Variants in TIE1 observed in about 807,000 individuals in gnomAD.
The protein encoded by TIE1 is tyrosine-protein kinase receptor Tie-1.
TIE1 carries 89 observed loss-of-function variants against 130.5 expected under a neutral mutation model. The observed-to-expected ratio is 0.68, with a 90% confidence interval of 0.57 to 0.81. TIE1 has a LOEUF of 0.81. Among genes scored for constraint, TIE1 ranks in the 40% least tolerant of loss-of-function variants. The probability of loss-of-function intolerance (pLI) is 0.00; values close to 1 mark genes in which losing one functional copy is unlikely to be tolerated. For missense variants in TIE1, 1,392 were observed against 1,559.8 expected (o/e 0.89, Z 1.81); for synonymous variants, 568 against 629.4 (o/e 0.90, Z 1.46).
rs780719092 is a variant in TIE1 at position 43,313,264 on chromosome 1, G to T, written c.2057G>T (p.Gly686Val). The T allele has an allele frequency of 1.9e-5, 31 of 1,613,924 alleles. No individual in the cohort carries two copies. The highest frequency in any genetic ancestry group is 2.5e-5 in the Non-Finnish European group (30 of 1,179,948). ...KYVVEVQVAG[G>V]AGDPLWIDVD... is the part of the protein sequence containing the mutation. ...GTTGTGGAGGTGCAGGTGGCTGGGGGTGCAGGAGACCCACTGTGGATAGAC... is the reference window on the plus strand; with the variant it reads ...GTTGTGGAGGTGCAGGTGGCTGGGGTTGCAGGAGACCCACTGTGGATAGAC... Residue 686 changes from glycine to valine, a missense_variant, in exon 13 of 23, where the codon GGT (glycine) becomes GTT (valine). Gly to Val is a moderately radical substitution (Grantham distance 109). Coordinates refer to ENST00000372476, the MANE Select transcript of TIE1 (RefSeq NM_005424.5). The surrounding 1 kb of genome is among the most constrained non-coding windows in gnomAD (Gnocchi z 6.2).
rs771925014 is a variant in TIE1, at chr1:43,318,061, A to T, written c.2911A>T (p.Ser971Cys). The T allele has an allele frequency of 1.9e-6, 3 of 1,554,704 alleles. No individual in the cohort carries two copies. The highest frequency in any genetic ancestry group is 2.6e-6 in the Non-Finnish European group (3 of 1,149,080). ...TGCGGCCAATGGCATGCAGTACCTG[A>T]GTGAGAAGCAGGTGTGTGTGAGTGG... ...SDAANGMQYL[S>C]EKQFIHRDLA... Residue 971 changes from serine to cysteine, a missense_variant, in exon 17 of 23, where the codon AGT (serine) becomes TGT (cysteine). By Grantham distance (112) the Ser-to-Cys change is moderately radical. Transcript: ENST00000372476. The surrounding 1 kb of genome is among the most constrained non-coding windows in gnomAD (Gnocchi z 4.4).
At position 43,311,716 on chromosome 1, in the gene TIE1, G is replaced by T. The variant is rs774935698; in HGVS notation, c.1379G>T (p.Ser460Ile). The T allele has an allele frequency of 5.6e-6, 9 of 1,613,918 alleles. No individual in the cohort carries two copies. The highest frequency in any genetic ancestry group is 7.6e-6 in the Non-Finnish European group (9 of 1,180,016). The change falls in exon 10 of 23, where the codon AGC becomes ATC. Residue 460 changes from serine (S) to isoleucine (I), a missense_variant. Coordinates refer to ENST00000372476, the MANE Select transcript of TIE1 (RefSeq NM_005424.5). ...LAAPRLLTKQ[S>I]RQLVVSPLVS... ...GCACCTCGGCTCCTGACCAAGCAGAGCCGCCAGCTTGTGGTCTCCCCGCTG... is the reference window on the plus strand; with the variant it reads ...GCACCTCGGCTCCTGACCAAGCAGATCCGCCAGCTTGTGGTCTCCCCGCTG...
chr1:43,307,532 C>T lies in TIE1; in HGVS notation c.873C>T (p.Cys291=). The T allele has an allele frequency of 6.2e-7, 1 of 1,614,098 alleles. No individual in the cohort carries two copies. The highest frequency in any genetic ancestry group is 8.5e-7 in the Non-Finnish European group (1 of 1,180,022). ...TCTGCCTCCCAGACCCCTATGGCTG[C>T]TCTTGTGGATCTGGCTGGAGAGGAA... The part of the protein sequence containing the change: ...LTFCLPDPYG[C]SCGSGWRGSQ... Residue 291 remains cysteine (C), a synonymous_variant, in exon 6 of 23, where the codon TGC becomes TGT. Transcript: ENST00000372476. The surrounding 1 kb of genome is among the most constrained non-coding windows in gnomAD (Gnocchi z 5.4).
rs1320054438 is a variant in TIE1 at position 43,313,141 on chromosome 1, C to T, written c.1934C>T (p.Pro645Leu). The change falls in exon 13 of 23, where the codon CCA (proline) becomes CTA (leucine). Residue 645 changes from proline to leucine, a missense_variant. Physicochemically the swap from Pro to Leu is moderately conservative, Grantham distance 98. This residue lies in a region of TIE1 where 551 missense variants were observed against 565.5 expected (regional missense o/e 0.97). Coordinates refer to ENST00000372476, the MANE Select transcript of TIE1 (RefSeq NM_005424.5). The surrounding 1 kb of genome is among the most constrained non-coding windows in gnomAD (Gnocchi z 6.2). ...TCCCCCACCATCTCCCCAGGGCCTCCAGCCCCCCGACACCTCCACGCCCAG... is the reference window on the plus strand; with the variant it reads ...TCCCCCACCATCTCCCCAGGGCCTCTAGCCCCCCGACACCTCCACGCCCAG... ...AHVLLPPSGP[P>L]APRHLHAQAL... is the part of the protein sequence containing the mutation. 1.2e-5 allele frequency: 19 copies of T among 1,600,868 alleles called. No individual in the cohort carries two copies. Among genetic ancestry groups the T allele is most frequent in the Non-Finnish European group, 1.6e-5 (19 of 1,174,202 alleles).
chr1:43,305,283 G>A lies in TIE1; in HGVS notation c.424G>A (p.Ala142Thr), dbSNP rs11545380. 6 of 1,609,196 alleles carry A rather than the reference G, an allele frequency of 3.7e-6. No individual in the cohort carries two copies. The Admixed American group carries it at 6.7e-5, about 18-fold the overall frequency. Residue 142 changes from alanine to threonine, a missense_variant, in exon 3 of 23, where the codon GCT (alanine) becomes ACT (threonine). Physicochemically the swap from Ala to Thr is moderately conservative, Grantham distance 58 (BLOSUM62 0). This residue lies in a region of TIE1 where 415 missense variants were observed against 424.8 expected (regional missense o/e 0.98). Transcript: ENST00000372476. The part of the protein sequence containing the change: ...VTHTVNKGDT[A>T]VLSARVHKEK... ...ACACACTGTGAACAAAGGTGACACC[G>A]CTGTACTTTCTGCACGTGTGCACAA... is the stretch of plus-strand genomic sequence containing the variant.
chr1:43,301,834 A>C (rs1023062837), intron 1 of TIE1, among the ~76,000 whole-genome samples: 1 of 152,222 alleles, frequency 6.6e-6, no homozygotes, highest in Non-Finnish European at 1.5e-5. Context: ...GCGCCACTGC[A>C]CTCCAGCCTG....
In TIE1 at chr1:43,312,174, A is replaced by G; in HGVS notation, c.1630+43A>G. ...ATCCCTTCCTGTCCCCCCAAGGGTT[A>G]CTTTCCCGTCGACCCCAGGGACCCC... On this transcript the variant is annotated intron_variant, in intron 11 of 22. Transcript: ENST00000372476. This position sits in a 1 kb window ranked among gnomAD's most constrained non-coding sequence, Gnocchi z 5.6. 1 of 1,513,984 alleles carries G rather than the reference A, an allele frequency of 6.6e-7. No individual in the cohort carries two copies. Among genetic ancestry groups the G allele is most frequent in the Non-Finnish European group, 8.8e-7 (1 of 1,130,754 alleles). The allele number at this position is 1,513,984 out of a possible 1,614,324, so 93.8% of individuals were successfully genotyped here. A position where few individuals can be genotyped will look rare whatever the true frequency, so the allele number is the denominator to read the frequency against.
chr1:43,304,502 T>C (rs1646702757), intron 1 of TIE1, among the ~76,000 whole-genome samples: 1 of 152,122 alleles, frequency 6.6e-6, no homozygotes, highest in African/African-American at 2.4e-5. Context: ...ACAGGGAGCA[T>C]AGATCATTCT....
Position 43,307,104 on chromosome 1 carries a change from G to A in TIE1, c.641-38G>A. ...TGGATCTCCAGTCCTCAGTGGTCAG[G>A]TGGGTGAGGGTCAGCTGCTGAAGAC... On this transcript the variant is annotated intron_variant, in intron 4 of 22. Transcript: ENST00000372476. This position sits in a 1 kb window ranked among gnomAD's most constrained non-coding sequence, Gnocchi z 5.4. The A allele has an allele frequency of 1.2e-5, 20 of 1,613,780 alleles. No homozygotes were observed. The highest frequency in any genetic ancestry group is 1.6e-5 in the Non-Finnish European group (19 of 1,179,960).
rs767428721 is a variant in TIE1 at position 43,313,146 on chromosome 1, C to A, written c.1939C>A (p.Pro647Thr). The A allele has an allele frequency of 6.2e-7, 1 of 1,604,072 alleles. No individual in the cohort carries two copies. Among genetic ancestry groups the A allele is most frequent in the Non-Finnish European group, 8.5e-7 (1 of 1,175,552 alleles). ...CACCATCTCCCCAGGGCCTCCAGCC[C>A]CCCGACACCTCCACGCCCAGGCCCT... ...VLLPPSGPPA[P>T]RHLHAQALSD... is the part of the protein sequence containing the mutation. The change falls in exon 13 of 23, where the codon CCC becomes ACC. Residue 647 changes from proline (P) to threonine (T), a missense_variant. Pro to Thr is a conservative substitution (Grantham distance 38). Coordinates refer to ENST00000372476, the MANE Select transcript of TIE1 (RefSeq NM_005424.5). This position sits in a 1 kb window ranked among gnomAD's most constrained non-coding sequence, Gnocchi z 6.2.
In TIE1 at chr1:43,307,361, T is replaced by A; in HGVS notation, c.773-71T>A. 6.2e-7 allele frequency: 1 copy of A among 1,611,562 alleles called. No individual in the cohort carries two copies. Among genetic ancestry groups the A allele is most frequent in the Non-Finnish European group, 8.5e-7 (1 of 1,178,390 alleles). On this transcript the variant is annotated intron_variant, in intron 5 of 22. Coordinates refer to ENST00000372476, the MANE Select transcript of TIE1 (RefSeq NM_005424.5). The surrounding 1 kb of genome is among the most constrained non-coding windows in gnomAD (Gnocchi z 5.4). ...AACCATGTGGGTGGAGCTTGGAGGG[T>A]AAGGGCGACAGGCAGGTCCTGGGCC...
Position 43,314,508 on chromosome 1 carries a change from G to A in TIE1, c.2409+540G>A. 6 of 1,000,786 alleles carry A rather than the reference G, an allele frequency of 6.0e-6. No individual in the cohort carries two copies. In the South Asian group the frequency reaches 2.6e-4, roughly 43 times the overall value. The allele number at this position is 1,000,786 out of a possible 1,614,324, so 62.0% of individuals were successfully genotyped here. Reference sequence around the variant, plus strand: ...GCTCCTCATCCTAACCTTCATTCTTGCAAATCCCAGGGCCTCCTTTTGGAG... The same window carrying A: ...GCTCCTCATCCTAACCTTCATTCTTACAAATCCCAGGGCCTCCTTTTGGAG... On this transcript the variant is annotated intron_variant, in intron 14 of 22. Coordinates refer to ENST00000372476, the MANE Select transcript of TIE1 (RefSeq NM_005424.5).
chr1:43,315,832 A>G lies in TIE1; in HGVS notation c.2410-1367A>G, dbSNP rs899095534. The stretch of plus-strand genomic sequence containing the variant: ...CAGTCCTTAACATACATGGTGTCAT[A>G]CTCTATATCAAGATATATCCCCCTA... On this transcript the variant is annotated intron_variant, in intron 14 of 22. Coordinates refer to ENST00000372476, the MANE Select transcript of TIE1 (RefSeq NM_005424.5). The surrounding 1 kb of genome is among the most constrained non-coding windows in gnomAD (Gnocchi z 4.4). Among the ~76,000 whole-genome samples the G allele has an allele frequency of 1.3e-5, 2 of 152,020 alleles. No individual in the cohort carries two copies. Among genetic ancestry groups the G allele is most frequent in the Non-Finnish European group, 2.9e-5 (2 of 68,010 alleles).
At chr1:43,321,799 C>T in intron 22 of TIE1, 84 bp downstream of exon 22, 1 of 1,311,170 alleles carries the variant, frequency 7.6e-7, no homozygotes. Context: ...ACCCCTGTCC[C>T]AACCACACTG....
rs1220936731 is a variant in TIE1 at position 43,313,692 on chromosome 1, C to T, written c.2219-86C>T. On this transcript the variant is annotated intron_variant, in intron 13 of 22. Coordinates refer to ENST00000372476, the MANE Select transcript of TIE1 (RefSeq NM_005424.5). The surrounding 1 kb of genome is among the most constrained non-coding windows in gnomAD (Gnocchi z 6.2). ...TGACAGTCCTGGCACTGGGATCTTT[C>T]ACCTCTCCCTCTGTGTAACCCCATG... The T allele has an allele frequency of 2.1e-6, 3 of 1,396,322 alleles. No homozygotes were observed. Among genetic ancestry groups the T allele is most frequent in the African/African-American group, 2.9e-5 (2 of 69,310 alleles). The allele number at this position is 1,396,322 out of a possible 1,614,324, so 86.5% of individuals were successfully genotyped here. A position where few individuals can be genotyped will look rare whatever the true frequency, so the allele number is the denominator to read the frequency against.
chr1:43,313,205 C>T lies in TIE1; in HGVS notation c.1998C>T (p.His666=), dbSNP rs1570443171. 1 of 1,613,888 alleles carries T rather than the reference C, an allele frequency of 6.2e-7. No homozygotes were observed. The change falls in exon 13 of 23, where the codon CAC becomes CAT. Residue 666 remains histidine (H), a synonymous_variant. Transcript: ENST00000372476. The surrounding 1 kb of genome is among the most constrained non-coding windows in gnomAD (Gnocchi z 6.2). ...CCGAGATCCAGCTGACATGGAAGCA[C>T]CCGGAGGCTCTGCCTGGGCCAATAT... The part of the protein sequence containing the change: ...SDSEIQLTWK[H]PEALPGPISK...
Position 43,321,681 on chromosome 1 carries a change from C to T in TIE1, c.3311C>T (p.Ala1104Val), listed in dbSNP as rs35573981. The change falls in exon 22 of 23, where the codon GCG (alanine) becomes GTG (valine). Residue 1104 changes from alanine (A) to valine (V), a missense_variant. Ala to Val is a moderately conservative substitution (Grantham distance 64). Transcript: ENST00000372476. ...PYERPPFAQI[A>V]LQLGRMLEAR... ...GAGCGACCCCCCTTTGCCCAGATTG[C>T]GCTACAGCTAGGCCGCATGCTGGAA... The T allele has an allele frequency of 1.2e-4, 180 of 1,553,310 alleles. No homozygotes were observed. The East Asian group carries it at 1.2e-3, about 10-fold the overall frequency.
Position 43,310,480 on chromosome 1 carries a change from G to A in TIE1, c.1333+948G>A, listed in dbSNP as rs376827161. 3.0e-4 allele frequency among the ~76,000 whole-genome samples: 46 copies of A among 152,270 alleles called. No homozygotes were observed. In the South Asian group the frequency reaches 9.1e-3, roughly 30 times the overall value. On this transcript the variant is annotated intron_variant, in intron 9 of 22. Coordinates refer to ENST00000372476, the MANE Select transcript of TIE1 (RefSeq NM_005424.5). ...TATTTAAGCATTTAGCACAGTGCCC[G>A]ATACAGGGTGTGTGCTCAATGTATG...
rs1201704070 is a variant in TIE1 at position 43,306,066 on chromosome 1, G to A, written c.484+723G>A. Among the ~76,000 whole-genome samples the A allele has an allele frequency of 6.6e-6, 1 of 152,198 alleles. No individual in the cohort carries two copies. Among genetic ancestry groups the A allele is most frequent in the Non-Finnish European group, 1.5e-5 (1 of 68,046 alleles). ...GCAGACCTGGGTCTCTAGGCTCTCT[G>A]TTCAGCCCTGAGCAAAGAGGCAAGA... On this transcript the variant is annotated intron_variant, in intron 3 of 22. Transcript: ENST00000372476. The surrounding 1 kb of genome is among the most constrained non-coding windows in gnomAD (Gnocchi z 4.9).
Sources: gnomAD v4.1 joint callset for allele counts (sites outside exome capture counted in the v4.1 genomes callset) on GRCh38, gnomAD v4.1.1 for gene constraint, gnomAD v4.1.1 regional missense constraint, Gnocchi (gnomAD v3.1) non-coding constraint, MANE v1.5 for transcripts, NCBI Gene and HGNC (gene_info 2026-07-23, HGNC 2026-07-21) for gene names.